Variants in PPFIBP1 observed in about 807,000 individuals in gnomAD.
PPFIBP1 encodes liprin-beta-1.
A neutral mutation model predicts 137.8 loss-of-function variants in PPFIBP1; 112 were observed. The ratio of observed to expected loss-of-function variants is 0.81; its 90% CI spans 0.70 to 0.95. The LOEUF (loss-of-function observed/expected upper bound fraction) is 0.95. Ranked by LOEUF, PPFIBP1 falls within the 40% of genes least tolerant of loss-of-function variation. The pLI, the probability that PPFIBP1 is intolerant of heterozygous loss-of-function variation, is 0.00. For missense variants in PPFIBP1, 1,083 were observed against 1,196.6 expected (o/e 0.91, Z 1.40); for synonymous variants, 378 against 417.3 (o/e 0.91, Z 1.15).
chr12:27,575,035 C>T (rs2050446324), intron 1 of PPFIBP1, among the ~76,000 whole-genome samples: 2 of 152,198 alleles, frequency 1.3e-5, no homozygotes, highest in South Asian at 4.1e-4. Flanking sequence ...ATGACTATAC[C>T]AGGATTAGCA....
chr12:27,646,636 G>A (rs562434870), intron 5 of PPFIBP1, among the ~76,000 whole-genome samples: 25 of 152,012 alleles, frequency 1.6e-4, no homozygotes, highest in Non-Finnish European at 3.1e-4. Flanking sequence ...TTATATTTCT[G>A]AATCTGAAAT....
At chr12:27,589,859 G>C (rs1399465173) in intron 2 of PPFIBP1, among the ~76,000 whole-genome samples, 1 of 152,134 alleles carries the variant, frequency 6.6e-6, no homozygotes, top group East Asian at 1.9e-4. Flanking sequence ...CAACAGTAAG[G>C]CTCCTTGCAT....
At chr12:27,646,954 G>A (rs2058546496) in intron 5 of PPFIBP1, among the ~76,000 whole-genome samples, 1 of 152,148 alleles carries the variant, frequency 6.6e-6, no homozygotes, top group Non-Finnish European at 1.5e-5. Flanking sequence ...ACACATCTAT[G>A]ATCTGTGTCA....
chr12:27,665,781 G>GC (rs2059820462), intron 12 of PPFIBP1, among the ~76,000 whole-genome samples: 1 of 152,090 alleles, frequency 6.6e-6, no homozygotes, highest in Non-Finnish European at 1.5e-5. Flanking sequence ...GGAAAATCCT[G>GC]CTTTGGATCA....
At chr12:27,576,815 T>C (rs1216486788) in intron 1 of PPFIBP1, among the ~76,000 whole-genome samples, 1 of 152,222 alleles carries the variant, frequency 6.6e-6, no homozygotes, top group Non-Finnish European at 1.5e-5. Flanking sequence ...TGTCTAAGTC[T>C]GAAACAGATG....
intron 4 of PPFIBP1, among the ~76,000 whole-genome samples, chr12:27,642,234 C>T (rs1326388358): frequency 1.3e-5 from 2 of 152,186 alleles, no homozygotes; most frequent in African/African-American, 2.4e-5. Context: ...TATATCTCCC[C>T]CACTGACTCT....
rs1299450559 is a variant in PPFIBP1 at position 27,660,881 on chromosome 12, C to T, written c.845-3C>T. On this transcript the variant is annotated splice_polypyrimidine_tract_variant and splice_region_variant and intron_variant, in intron 10 of 29. Coordinates refer to ENST00000228425, the MANE Select transcript of PPFIBP1 (RefSeq NM_003622.4). ...CTGACTTCTGATTTGATGTTATTTTCAGACATCGAAGTACAAAAAATGAAA... is the reference window on the plus strand; with the variant it reads ...CTGACTTCTGATTTGATGTTATTTTTAGACATCGAAGTACAAAAAATGAAA... 4 of 1,613,026 alleles carry T rather than the reference C, an allele frequency of 2.5e-6. No homozygotes were observed. In the Middle Eastern group the frequency reaches 6.7e-4, roughly 271 times the overall value.
chr12:27,673,730 G>A, intron 15 of PPFIBP1, 37 bp from the exon 16 acceptor site: 1 of 1,569,094 alleles, frequency 6.4e-7, no homozygotes, highest in Non-Finnish European at 8.8e-7. Flanking sequence ...TGGCACTGGA[G>A]CCACTTATTA....
Position 27,682,768 on chromosome 12 carries a change from G to A in PPFIBP1, c.2247+65G>A, listed in dbSNP as rs2060953570. ...TTTTTCTCTGAAAAACACAGGAATT[G>A]AGTAAGCCAAACACAGTGTTTTCAG... On this transcript the variant is annotated intron_variant, in intron 24 of 29. Coordinates refer to ENST00000228425, the MANE Select transcript of PPFIBP1 (RefSeq NM_003622.4). 3.1e-6 allele frequency: 5 copies of A among 1,610,596 alleles called. No individual in the cohort carries two copies. In the South Asian group the frequency reaches 3.3e-5, roughly 11 times the overall value.
At chr12:27,607,224 T>A (rs1200656489) in intron 2 of PPFIBP1, among the ~76,000 whole-genome samples, 1 of 152,082 alleles carries the variant, frequency 6.6e-6, no homozygotes, top group Non-Finnish European at 1.5e-5. Context: ...ATGCTGGGAG[T>A]GGTACAGCCA....
intron 24 of PPFIBP1, among the ~76,000 whole-genome samples, chr12:27,683,230 A>AT (rs2060989249): frequency 6.6e-6 from 1 of 152,000 alleles, no homozygotes; most frequent in Non-Finnish European, 1.5e-5. Flanking sequence ...TACCCAGCTA[A>AT]TTTTTTTGTA....
chr12:27,605,220 G>A (rs572756545), intron 2 of PPFIBP1, among the ~76,000 whole-genome samples: 1 of 152,310 alleles, frequency 6.6e-6, no homozygotes, highest in Non-Finnish European at 1.5e-5. Context: ...ATCTTGTAAT[G>A]TGAAAACAAC....
chr12:27,535,042 G>A (rs1210903527), intron 1 of PPFIBP1, among the ~76,000 whole-genome samples: 1 of 152,218 alleles, frequency 6.6e-6, no homozygotes, highest in Non-Finnish European at 1.5e-5. Context: ...GTAAAGGCTT[G>A]TTCAAGTGTG....
intron 2 of PPFIBP1, among the ~76,000 whole-genome samples, chr12:27,612,806 C>T (rs1438744053): frequency 6.6e-6 from 1 of 152,102 alleles, no homozygotes; most frequent in Non-Finnish European, 1.5e-5. Flanking sequence ...GATTTTCTCC[C>T]TTTTGTATTA....
chr12:27,681,776 A>G (rs1250533305), intron 22 of PPFIBP1, 80 bp downstream of exon 22: 2 of 1,510,448 alleles, frequency 1.3e-6, no homozygotes, highest in East Asian at 4.6e-5. Flanking sequence ...TATAGTCCAG[A>G]AAGGGCCATG....
intron 19 of PPFIBP1, among the ~76,000 whole-genome samples, chr12:27,678,517 G>C (rs568083982): frequency 6.6e-5 from 10 of 152,172 alleles, no homozygotes; most frequent in Non-Finnish European, 1.3e-4. Flanking sequence ...CTGAGCTAGA[G>C]TAACAGGGAC....
At chr12:27,626,606 G>T (rs1374880839) in intron 2 of PPFIBP1, among the ~76,000 whole-genome samples, 1 of 151,634 alleles carries the variant, frequency 6.6e-6, no homozygotes, top group African/African-American at 2.4e-5. Flanking sequence ...TCACTCTATC[G>T]CCCAGGCTGG....
chr12:27,660,020 G>T (rs77741339), intron 10 of PPFIBP1, among the ~76,000 whole-genome samples: 59 of 149,780 alleles, frequency 3.9e-4, no homozygotes, highest in Middle Eastern at 3.4e-3. Context: ...TTTCCTGTTT[G>T]AATTTTTTAG....
intron 11 of PPFIBP1, among the ~76,000 whole-genome samples, chr12:27,663,876 A>T (rs1341874117): frequency 6.6e-6 from 1 of 151,976 alleles, no homozygotes; most frequent in East Asian, 1.9e-4. Flanking sequence ...AAAAGTGTTC[A>T]TTGTTTTTAA....
Sources: allele counts gnomAD v4.1 joint callset (sites outside exome capture counted in the v4.1 genomes callset), GRCh38; gene constraint gnomAD v4.1.1; transcripts MANE v1.5; gene names NCBI Gene and HGNC (gene_info 2026-07-23, HGNC 2026-07-21).